The following BLTP2 variants were observed in gnomAD, a reference collection of about 807,000 sequenced individuals.
BLTP2 encodes the protein U937-associated antigen.
the BLTP2 span, chr17:28,616,874 G>A: frequency 1.9e-6 from 3 of 1,609,774 alleles, no homozygotes; most frequent in Admixed American, 3.3e-5. The surrounding 1 kb of genome is among the most constrained non-coding windows in gnomAD (Gnocchi z 4.8). Flanking sequence ...GGTCCCTAAG[G>A]GACTGCTTAC....
chr17:28,642,197 T>A, the BLTP2 span: 1 of 1,583,524 alleles, frequency 6.3e-7, no homozygotes, highest in Non-Finnish European at 8.7e-7. Context: ...TCAAAGAACC[T>A]AGGATGTAAG....
At chr17:28,633,455 C>T in the BLTP2 span, 145 of 1,580,314 alleles carry the variant, frequency 9.2e-5, 2 homozygotes, top group Middle Eastern at 1.0e-3. Context: ...CCATCCTCAT[C>T]TCCCAAATCA....
chr17:28,623,526 T>C, the BLTP2 span, among the ~76,000 whole-genome samples: 1 of 152,118 alleles, frequency 6.6e-6, no homozygotes, highest in Non-Finnish European at 1.5e-5. Flanking sequence ...CCAGTCCATT[T>C]TATACGAGTT....
chr17:28,643,956 T>G, the BLTP2 span: 1,627 of 1,424,792 alleles, frequency 1.1e-3, 3 homozygotes, highest in Non-Finnish European at 1.4e-3. Flanking sequence ...TGGGATTAAC[T>G]AGAAAAGCCA....
chr17:28,642,230 C>G, the BLTP2 span: 1 of 1,604,624 alleles, frequency 6.2e-7, no homozygotes. Flanking sequence ...TCACACTTTA[C>G]GCCCAGGAGG....
At chr17:28,617,940 T>C in the BLTP2 span, among the ~76,000 whole-genome samples, 1 of 149,704 alleles carries the variant, frequency 6.7e-6, no homozygotes. Flanking sequence ...TCTTTTTTTT[T>C]TTTTTTTTTT....
chr17:28,635,737 AC>A, the BLTP2 span: 3 of 888,234 alleles, frequency 3.4e-6, no homozygotes, highest in Non-Finnish European at 5.0e-6. Context: ...CTGAGTAATC[AC>A]ATTAATTACT....
At chr17:28,639,154 T>C in the BLTP2 span, 19 of 713,084 alleles carry the variant, frequency 2.7e-5, no homozygotes, top group Non-Finnish European at 3.9e-5. Context: ...TCAAGGAGTC[T>C]AGTCTAATGG....
the BLTP2 span, among the ~76,000 whole-genome samples, chr17:28,636,233 C>G: frequency 1.3e-5 from 2 of 152,314 alleles, no homozygotes; most frequent in South Asian, 4.1e-4. Flanking sequence ...AAAAAGGAAA[C>G]TCTTCAGTTT....
At chr17:28,633,856 A>G in the BLTP2 span, 3 of 1,608,396 alleles carry the variant, frequency 1.9e-6, no homozygotes, top group Non-Finnish European at 2.6e-6. Flanking sequence ...CCCATCACAA[A>G]CGTCCCTCAG....
the BLTP2 span, among the ~76,000 whole-genome samples, chr17:28,628,767 T>C: frequency 6.6e-6 from 1 of 152,020 alleles, no homozygotes; most frequent in South Asian, 2.1e-4. Context: ...ACCCCATCTC[T>C]ACTAAAAATA....
chr17:28,624,405 G>C, the BLTP2 span: 2 of 1,606,826 alleles, frequency 1.2e-6, no homozygotes, highest in South Asian at 1.1e-5. Context: ...CAGAGAAATA[G>C]GAAGCAGGGA....
the BLTP2 span, chr17:28,643,637 G>C: frequency 6.2e-7 from 1 of 1,614,104 alleles, no homozygotes; most frequent in South Asian, 1.1e-5. Context: ...GAGTTTGCTG[G>C]AAATCCACAG....
chr17:28,631,618 C>T, the BLTP2 span: 1 of 1,614,086 alleles, frequency 6.2e-7, no homozygotes, highest in Non-Finnish European at 8.5e-7. Context: ...GGTCACCTGA[C>T]TTAGGTCACT....
the BLTP2 span, chr17:28,635,568 T>C: frequency 2.5e-6 from 4 of 1,614,102 alleles, no homozygotes; most frequent in Admixed American, 5.0e-5. Context: ...ACATGTGATC[T>C]GGGGGGCTCC....
chr17:28,635,903 A>T, the BLTP2 span: 1 of 302,992 alleles, frequency 3.3e-6, no homozygotes, highest in South Asian at 5.2e-5. Flanking sequence ...TATCTACCAT[A>T]GTATACTCAG....
At chr17:28,641,856 G>A in the BLTP2 span, 1 of 1,571,168 alleles carries the variant, frequency 6.4e-7, no homozygotes, top group East Asian at 2.3e-5. Flanking sequence ...CTGAGAACAA[G>A]GCAGCCAAGA....
chr17:28,615,604 GAA>G, the BLTP2 span: 1 of 1,582,668 alleles, frequency 6.3e-7, no homozygotes, highest in Non-Finnish European at 8.6e-7. Flanking sequence ...AAAGGCTCCT[GAA>G]AAGAGGATCT....
chr17:28,642,380 G>T, the BLTP2 span: 2 of 1,553,490 alleles, frequency 1.3e-6, no homozygotes, highest in Non-Finnish European at 1.8e-6. Context: ...TGCCGGGCGC[G>T]GTGGCTCACG....
Sources: allele counts gnomAD v4.1 joint callset (sites outside exome capture counted in the v4.1 genomes callset), GRCh38; gene constraint gnomAD v4.1.1; non-coding constraint Gnocchi (gnomAD v3.1); transcripts MANE v1.5; gene names NCBI Gene and HGNC (gene_info 2026-07-23, HGNC 2026-07-21).